SLIT2: variants seen among roughly 807,000 people sequenced by gnomAD.
SLIT2 encodes the protein slit guidance ligand 2.
SLIT2 carries 41 observed loss-of-function variants against 185.7 expected under a neutral mutation model. That is an observed-to-expected ratio of 0.22 (90% CI 0.17 to 0.29). The LOEUF (loss-of-function observed/expected upper bound fraction) is 0.29. SLIT2 is among the 10% of genes least tolerant of loss of function. The pLI is 1.00. For missense variants in SLIT2, 1,571 were observed against 1,909.0 expected, an observed-to-expected ratio of 0.82 and a Z score of 3.30; for synonymous variants, 693 against 680.2, an observed-to-expected ratio of 1.02 and a Z score of -0.29.
In SLIT2 at chr4:20,254,362, C is replaced by T. The variant is rs1258048564; in HGVS notation, c.179+368C>T. On this transcript the variant is annotated intron_variant, in intron 1 of 36. Coordinates refer to ENST00000504154, the MANE Select transcript of SLIT2 (RefSeq NM_004787.4). This position sits in a 1 kb window ranked among gnomAD's most constrained non-coding sequence, Gnocchi z 5.1. ...AGAGTCCATAAACGGAGTCACCTTG[C>T]GATTGCCAGCATCCAGGTCGGTTTC... Among the ~76,000 whole-genome samples, 1 of 152,200 alleles carries T rather than the reference C, an allele frequency of 6.6e-6. No individual in the cohort carries two copies. Among genetic ancestry groups the T allele is most frequent in the African/African-American group, 2.4e-5 (1 of 41,458 alleles).
In SLIT2 at chr4:20,564,918, T is replaced by C. The variant is rs143116626; in HGVS notation, c.2726-2344T>C. ...TGGTCTGGAATAAAATGCAAAGAAA[T>C]TAGATAGTGATTATTAATCAGATAT... On this transcript the variant is annotated intron_variant, in intron 26 of 36. Coordinates refer to ENST00000504154, the MANE Select transcript of SLIT2 (RefSeq NM_004787.4). Among the ~76,000 whole-genome samples, 157 of 152,024 alleles carry C rather than the reference T, an allele frequency of 1.0e-3. No individual in the cohort carries two copies. In the Middle Eastern group the frequency reaches 0.027, roughly 26 times the overall value.
chr4:20,528,931 G>A lies in SLIT2; in HGVS notation c.1463-18G>A. ...CCTTTAGACTCAGTATCTTTTTTTTGGTTTGAATTCTCAATAGGTACAGAA... is the reference window on the plus strand; with the variant it reads ...CCTTTAGACTCAGTATCTTTTTTTTAGTTTGAATTCTCAATAGGTACAGAA... On this transcript the variant is annotated intron_variant, in intron 15 of 36. Transcript: ENST00000504154. The surrounding 1 kb of genome is among the most constrained non-coding windows in gnomAD (Gnocchi z 4.2). The A allele has an allele frequency of 6.4e-7, 1 of 1,573,216 alleles. No individual in the cohort carries two copies. The highest frequency in any genetic ancestry group is 8.6e-7 in the Non-Finnish European group (1 of 1,158,310).
chr4:20,497,663 G>T (rs1337513159), intron 9 of SLIT2, among the ~76,000 whole-genome samples: 1 of 152,070 alleles, frequency 6.6e-6, no homozygotes, highest in African/African-American at 2.4e-5. Flanking sequence ...TCTCCACACA[G>T]CACTTACCAC....
chr4:20,615,265 C>T (rs541907563), intron 34 of SLIT2: 9 of 152,180 alleles, frequency 5.9e-5, no homozygotes, highest in Non-Finnish European at 1.0e-4. Context: ...TTTGACCCTG[C>T]TCTAGAAAGC....
chr4:20,364,258 A>G (rs1004510469), intron 4 of SLIT2: 15 of 985,198 alleles, frequency 1.5e-5, no homozygotes, highest in South Asian at 4.7e-5. Flanking sequence ...AGCTTTCTGC[A>G]TCCTTTCTGC....
In SLIT2 at chr4:20,523,867, A is replaced by G. The variant is rs1577851693; in HGVS notation, c.1238A>G (p.Lys413Arg). The G allele has an allele frequency of 6.2e-7, 1 of 1,614,158 alleles. No individual in the cohort carries two copies. Among genetic ancestry groups the G allele is most frequent in the Middle Eastern group, 1.7e-4 (1 of 6,060 alleles). Residue 413 changes from lysine (K) to arginine (R), a missense_variant, in exon 13 of 37, where the codon AAG becomes AGG. By Grantham distance (26) the Lys-to-Arg change is conservative. Transcript: ENST00000504154. Reference protein sequence around the residue: ...LYDNKLQTIAKGTFSPLRAIQ... With the variant: ...LYDNKLQTIARGTFSPLRAIQ... ...GACAACAAGCTTCAGACCATCGCCA[A>G]GGGGACCTTTTCACCTCTTCGGGCC...
At chr4:20,359,741 G>A (rs1222497644) in intron 4 of SLIT2, among the ~76,000 whole-genome samples, 1 of 151,908 alleles carries the variant, frequency 6.6e-6, no homozygotes, top group African/African-American at 2.4e-5. Context: ...TTTTGTTTTT[G>A]CTTAATGAAT....
At chr4:20,609,938 C>A in intron 33 of SLIT2, 75 bp from the exon 34 acceptor site, 2 of 1,386,690 alleles carry the variant, frequency 1.4e-6, no homozygotes, top group South Asian at 1.5e-5. Context: ...GAGCACTTAT[C>A]AAAGTTTGTA....
At chr4:20,359,171 TA>T (rs1243010764) in intron 4 of SLIT2, among the ~76,000 whole-genome samples, 1 of 152,016 alleles carries the variant, frequency 6.6e-6, no homozygotes, top group Non-Finnish European at 1.5e-5. Context: ...AGGCAGAGTA[TA>T]ATATGGGAGC....
chr4:20,592,001 G>T (rs191667000), intron 30 of SLIT2, among the ~76,000 whole-genome samples: 87 of 152,224 alleles, frequency 5.7e-4, no homozygotes, highest in African/African-American at 2.0e-3. Flanking sequence ...TAGTTTGTAA[G>T]CTCGTTTCAT....
intron 4 of SLIT2, among the ~76,000 whole-genome samples, chr4:20,396,749 CT>C (rs201699571): frequency 2.0e-5 from 3 of 147,558 alleles, no homozygotes; most frequent in South Asian, 2.2e-4. Flanking sequence ...CTATTTATCT[CT>C]TTTTTTTTAC....
intron 33 of SLIT2, among the ~76,000 whole-genome samples, chr4:20,603,413 C>T (rs1387928940): frequency 4.6e-5 from 7 of 152,118 alleles, no homozygotes; most frequent in African/African-American, 1.7e-4. Context: ...GAATGGCAGC[C>T]TAAATTTAAG....
chr4:20,593,665 G>A (rs1727692343), intron 30 of SLIT2, among the ~76,000 whole-genome samples: 1 of 152,020 alleles, frequency 6.6e-6, no homozygotes, highest in Admixed American at 6.6e-5. Context: ...GGGAGGTGAT[G>A]GATATGTTAA....
chr4:20,286,694 C>G (rs1409426647), intron 4 of SLIT2, among the ~76,000 whole-genome samples: 1 of 152,022 alleles, frequency 6.6e-6, no homozygotes, highest in Admixed American at 6.6e-5. Flanking sequence ...CCCAGCTACT[C>G]GGGAGGCTGA....
At chr4:20,546,413 C>A (rs545387540) in intron 22 of SLIT2, among the ~76,000 whole-genome samples, 53 of 152,114 alleles carry the variant, frequency 3.5e-4, no homozygotes, top group Admixed American at 5.2e-4. Flanking sequence ...TATTTTATGA[C>A]AAACTAAGGA....
rs1723561786 is a variant in SLIT2 at position 20,549,649 on chromosome 4, G to A, written c.2489+521G>A. ...GCCCATGGCTATATAGCTTTTAAAA[G>A]CCACAGATATTAATAGGATCTGTTT... is the stretch of plus-strand genomic sequence containing the variant. On this transcript the variant is annotated intron_variant, in intron 24 of 36. Transcript: ENST00000504154. Among the ~76,000 whole-genome samples the A allele has an allele frequency of 4.6e-5, 7 of 151,736 alleles. No homozygotes were observed. The South Asian group carries it at 1.2e-3, about 27-fold the overall frequency.
At chr4:20,386,050 C>T (rs188662835) in intron 4 of SLIT2, among the ~76,000 whole-genome samples, 1 of 152,084 alleles carries the variant, frequency 6.6e-6, no homozygotes, top group African/African-American at 2.4e-5. Context: ...AAGCAAAATA[C>T]ACTTTCACCT....
At chr4:20,539,272 T>A (rs1722586911) in intron 18 of SLIT2, among the ~76,000 whole-genome samples, 169 bp from the exon 19 acceptor site, 1 of 152,228 alleles carries the variant, frequency 6.6e-6, no homozygotes, top group South Asian at 2.1e-4. Flanking sequence ...ATTTTATTCT[T>A]GCAAGATATT....
At chr4:20,429,678 A>G (rs73108641) in intron 4 of SLIT2, among the ~76,000 whole-genome samples, 2,761 of 152,302 alleles carry the variant, frequency 0.018, 55 homozygotes, top group African/African-American at 0.045. Context: ...AGAATTGAGT[A>G]TTTCAGCTGA....
Sources: allele counts gnomAD v4.1 joint callset (sites outside exome capture counted in the v4.1 genomes callset), GRCh38; gene constraint gnomAD v4.1.1; non-coding constraint Gnocchi (gnomAD v3.1); transcripts MANE v1.5; gene names NCBI Gene and HGNC (gene_info 2026-07-23, HGNC 2026-07-21).